XKR4: variants seen among roughly 807,000 people sequenced by gnomAD.
XKR4 encodes the protein XK related 4, also known as XK-related protein 4.
A neutral mutation model predicts 53.9 loss-of-function variants in XKR4; 12 were observed. The ratio of observed to expected loss-of-function variants is 0.22; its 90% CI spans 0.14 to 0.36. The LOEUF (loss-of-function observed/expected upper bound fraction) is 0.36, where lower values mean the gene tolerates loss of function less well. Among genes scored for constraint, XKR4 ranks in the 10% least tolerant of loss-of-function variants. XKR4 has a pLI of 1.00. For missense variants in XKR4, 799 were observed against 859.5 expected, an observed-to-expected ratio of 0.93 and a Z score of 0.88; for synonymous variants, 354 against 362.4, an observed-to-expected ratio of 0.98 and a Z score of 0.26.
intron 2 of XKR4, among the ~76,000 whole-genome samples, chr8:55,458,554 G>A (rs1055523277): frequency 2.6e-5 from 4 of 152,226 alleles, no homozygotes; most frequent in Non-Finnish European, 4.4e-5. Context: ...GAGGAGTCAG[G>A]TTGCATGAAT....
intron 1 of XKR4, among the ~76,000 whole-genome samples, chr8:55,133,556 G>A (rs149507355): frequency 1.3e-3 from 193 of 152,296 alleles, no homozygotes; most frequent in African/African-American, 4.3e-3. Flanking sequence ...TGTGAATAAG[G>A]TGAGAGTGAC....
At chr8:55,243,951 T>C (rs1271404517) in intron 1 of XKR4, among the ~76,000 whole-genome samples, 1 of 152,248 alleles carries the variant, frequency 6.6e-6, no homozygotes, top group African/African-American at 2.4e-5. Context: ...ACAGTAATTA[T>C]TCTATGTGCG....
At chr8:55,195,883 C>T (rs762099812) in intron 1 of XKR4, among the ~76,000 whole-genome samples, 23 of 152,168 alleles carry the variant, frequency 1.5e-4, no homozygotes, top group Admixed American at 5.2e-4. Flanking sequence ...GCTCAGGCCA[C>T]GCCCCAAACC....
At chr8:55,232,412 T>C (rs1040598190) in intron 1 of XKR4, among the ~76,000 whole-genome samples, 3 of 152,238 alleles carry the variant, frequency 2.0e-5, no homozygotes, top group African/African-American at 7.2e-5. Context: ...GTCCTACAGA[T>C]GGCTTGGAAA....
chr8:55,330,653 C>T (rs1803370096), intron 1 of XKR4, among the ~76,000 whole-genome samples: 1 of 152,144 alleles, frequency 6.6e-6, no homozygotes, highest in Non-Finnish European at 1.5e-5. Context: ...CTACTGAAAT[C>T]CTAAACTTCC....
intron 1 of XKR4, among the ~76,000 whole-genome samples, chr8:55,239,574 T>C (rs1026377468): frequency 1.3e-5 from 2 of 152,184 alleles, no homozygotes; most frequent in African/African-American, 4.8e-5. Flanking sequence ...TTCTGTTGAA[T>C]TGATTGTGTT....
chr8:55,505,923 A>G (rs1385655185), intron 2 of XKR4, among the ~76,000 whole-genome samples: 1 of 152,256 alleles, frequency 6.6e-6, no homozygotes, highest in Non-Finnish European at 1.5e-5. Flanking sequence ...ATGACACCAA[A>G]TAATCTTCCT....
chr8:55,122,649 T>C (rs115466755), intron 1 of XKR4, among the ~76,000 whole-genome samples: 47 of 152,340 alleles, frequency 3.1e-4, no homozygotes, highest in African/African-American at 1.1e-3. Context: ...TTTCGTGTGC[T>C]TCAAAGGAAA....
intron 1 of XKR4, among the ~76,000 whole-genome samples, chr8:55,181,040 C>A (rs1236720529): frequency 6.6e-6 from 1 of 152,176 alleles, no homozygotes; most frequent in East Asian, 1.9e-4. Flanking sequence ...TAAAGTTAGA[C>A]TTAAAGTCCT....
At chr8:55,208,283 A>G (rs1817678069) in intron 1 of XKR4, among the ~76,000 whole-genome samples, 1 of 152,156 alleles carries the variant, frequency 6.6e-6, no homozygotes, top group Non-Finnish European at 1.5e-5. Context: ...ATAAAACCCA[A>G]TTCGCTTGTT....
chr8:55,318,434 A>C (rs2129379108), intron 1 of XKR4, among the ~76,000 whole-genome samples: 1 of 152,324 alleles, frequency 6.6e-6, no homozygotes, highest in African/African-American at 2.4e-5. Flanking sequence ...ATTTGATGGC[A>C]CAAACCAAAC....
chr8:55,289,757 AAG>A (rs375301110), intron 1 of XKR4, among the ~76,000 whole-genome samples: 1,728 of 147,446 alleles, frequency 0.012, 29 homozygotes, highest in Non-Finnish European at 0.018. Flanking sequence ...GAAAGAAAGA[AAG>A]AGAGAAAGAA....
At chr8:55,150,363 G>C (rs1239586996) in intron 1 of XKR4, among the ~76,000 whole-genome samples, 1 of 152,182 alleles carries the variant, frequency 6.6e-6, no homozygotes, top group Non-Finnish European at 1.5e-5. Context: ...TTAGTATATG[G>C]GTTGCTAAAG....
Position 55,397,854 on chromosome 8 carries a change from G to A in XKR4, c.1006+39977G>A, listed in dbSNP as rs757812161. On this transcript the variant is annotated intron_variant, in intron 2 of 2. Coordinates refer to ENST00000327381, the MANE Select transcript of XKR4 (RefSeq NM_052898.2). The stretch of plus-strand genomic sequence containing the variant: ...TTAGCAGATTCTAGGTAGGACTCAC[G>A]GGCTACTCAGTGGGAGCCTGCAGCC... 5.9e-5 allele frequency among the ~76,000 whole-genome samples: 9 copies of A among 152,200 alleles called. No homozygotes were observed. The South Asian group carries it at 6.2e-4, about 11-fold the overall frequency.
At chr8:55,325,885 T>C (rs759502962) in intron 1 of XKR4, among the ~76,000 whole-genome samples, 4 of 152,212 alleles carry the variant, frequency 2.6e-5, no homozygotes, top group African/African-American at 7.2e-5. Context: ...AAGAAATTGA[T>C]ATATAGTTGA....
chr8:55,339,202 G>A (rs1252120141), intron 1 of XKR4, among the ~76,000 whole-genome samples: 2 of 152,164 alleles, frequency 1.3e-5, no homozygotes, highest in Non-Finnish European at 2.9e-5. Context: ...GGCTGGCTGT[G>A]TCTGAAGGGC....
At chr8:55,251,815 A>G (rs1187454889) in intron 1 of XKR4, among the ~76,000 whole-genome samples, 2 of 152,238 alleles carry the variant, frequency 1.3e-5, no homozygotes, top group East Asian at 1.9e-4. Flanking sequence ...TTGAGCCACC[A>G]GTGAAACACT....
At chr8:55,267,146 G>A (rs917043613) in intron 1 of XKR4, among the ~76,000 whole-genome samples, 1 of 152,050 alleles carries the variant, frequency 6.6e-6, no homozygotes, top group African/African-American at 2.4e-5. Context: ...GAGGTGAAGG[G>A]GAGCTAGCAG....
At chr8:55,152,655 G>C (rs561722393) in intron 1 of XKR4, among the ~76,000 whole-genome samples, 1 of 137,374 alleles carries the variant, frequency 7.3e-6, no homozygotes, top group Non-Finnish European at 1.5e-5. Flanking sequence ...GAGAAAAGCT[G>C]ATAATACTAA....
Sources: allele counts gnomAD v4.1 joint callset (sites outside exome capture counted in the v4.1 genomes callset), GRCh38; gene constraint gnomAD v4.1.1; transcripts MANE v1.5; gene names NCBI Gene and HGNC (gene_info 2026-07-23, HGNC 2026-07-21).